ANAPC7: variants seen among roughly 807,000 people sequenced by gnomAD.
ANAPC7 encodes the protein anaphase promoting complex subunit 7, also known as anaphase-promoting complex subunit 7.
ANAPC7 carries 25 observed loss-of-function variants against 63.3 expected under a neutral mutation model. That is an observed-to-expected ratio of 0.39 (90% CI 0.29 to 0.55). The LOEUF (loss-of-function observed/expected upper bound fraction) is 0.55. Ranked by LOEUF, ANAPC7 falls within the 20% of genes least tolerant of loss-of-function variation. The pLI is 0.57. For missense variants in ANAPC7, 516 were observed against 691.7 expected, an observed-to-expected ratio of 0.75 and a Z score of 2.85; for synonymous variants, 241 against 251.7, an observed-to-expected ratio of 0.96 and a Z score of 0.40.
rs1239130587 is a variant in ANAPC7 at position 110,377,405 on chromosome 12, C to T, written c.1345G>A (p.Ala449Thr). ...PDYIKAVVKK[A>T]ELLSREQKYE... ...AAGACACACTTACTAAGTAGTTCTG[C>T]TTTTTTCACCACAGCCTTAATGTAA... Residue 449 changes from alanine (A) to threonine (T), a missense_variant, in exon 9 of 11, where the codon GCA (alanine) becomes ACA (threonine). This residue lies in a region of ANAPC7 where 122 missense variants were observed against 212.0 expected (regional missense o/e 0.58). Transcript: ENST00000455511. The T allele has an allele frequency of 6.2e-7, 1 of 1,613,526 alleles. No individual in the cohort carries two copies. The highest frequency in any genetic ancestry group is 8.5e-7 in the Non-Finnish European group (1 of 1,179,620).
intron 6 of ANAPC7, among the ~76,000 whole-genome samples, chr12:110,384,309 A>G (rs1245696319): frequency 6.6e-6 from 1 of 152,076 alleles, no homozygotes; most frequent in Non-Finnish European, 1.5e-5. Context: ...AGGCAGGAGG[A>G]TTGCTTGAGC....
chr12:110,396,214 G>A (rs1222258584), intron 2 of ANAPC7, 52 bp downstream of exon 2: 1 of 1,510,566 alleles, frequency 6.6e-7, no homozygotes, highest in Admixed American at 1.9e-5. Context: ...CTAAATTCTT[G>A]GAGTCTTTCT....
rs1327223404 is a variant in ANAPC7 at position 110,374,317 on chromosome 12, G to C, written c.1525C>G (p.Gln509Glu). 7.4e-6 allele frequency: 12 copies of C among 1,613,948 alleles called. No individual in the cohort carries two copies. Among genetic ancestry groups the C allele is most frequent in the Non-Finnish European group, 1.0e-5 (12 of 1,179,984 alleles). Residue 509 changes from glutamine (Q) to glutamate (E), a missense_variant, in exon 11 of 11, where the codon CAG becomes GAG. By Grantham distance (29) the Gln-to-Glu change is conservative (BLOSUM62 2). Transcript: ENST00000455511. Reference protein sequence around the residue: ...SIALSLDPNDQKSLEGMQKME... With the variant: ...SIALSLDPNDEKSLEGMQKME... ...TTCTGCATCCCCTCTAGAGACTTCT[G>C]GTCATTGGGGTCCAAACTAGGGGAC...
At chr12:110,383,875 C>CAAAAAAAAAAA (rs1159374781) in intron 6 of ANAPC7, among the ~76,000 whole-genome samples, 858 of 48,810 alleles carry the variant, frequency 0.018, no homozygotes, top group Non-Finnish European at 0.023. Flanking sequence ...GACTCCGTCT[C>CAAAAAAAAAAA]AAAAAAAAAA....
At chr12:110,387,303 G>GAGAGAGAGAGAGACAGAGAGAC (rs1882622946) in intron 5 of ANAPC7, 1 of 135,344 alleles carries the variant, frequency 7.4e-6, no homozygotes, top group African/African-American at 2.8e-5. Context: ...GAGAGAGAGA[G>GAGAGAGAGAGAGACAGAGAGAC]AGAGAGACAG....
chr12:110,375,372 A>G, intron 10 of ANAPC7: 1 of 957,644 alleles, frequency 1.0e-6, no homozygotes, highest in Non-Finnish European at 1.2e-6. Flanking sequence ...GTGGTGCTCA[A>G]CTGTGTGCTG....
At chr12:110,377,895 G>T in intron 8 of ANAPC7, 1 of 1,115,874 alleles carries the variant, frequency 9.0e-7, no homozygotes, top group Non-Finnish European at 1.2e-6. Flanking sequence ...CAGCATGTGA[G>T]CACCCCATCT....
chr12:110,395,086 A>G lies in ANAPC7; in HGVS notation c.408+15T>C, dbSNP rs1883456278. 1.2e-6 allele frequency: 2 copies of G among 1,610,992 alleles called. No individual in the cohort carries two copies. The highest frequency in any genetic ancestry group is 1.1e-5 in the South Asian group (1 of 90,714). Reference sequence around the variant, plus strand: ...AGGAGAGCTGAGGAGAAAAACACATAAACATTCAACTTACTTTGGGAGTTC... The same window carrying G: ...AGGAGAGCTGAGGAGAAAAACACATGAACATTCAACTTACTTTGGGAGTTC... On this transcript the variant is annotated intron_variant, in intron 3 of 10. Coordinates refer to ENST00000455511, the MANE Select transcript of ANAPC7 (RefSeq NM_016238.3).
Position 110,385,136 on chromosome 12 carries a change from G to A in ANAPC7, c.817+1191C>T, listed in dbSNP as rs1261278493. ...ACAAAAATTAGTTGGGTGTGGTGGC[G>A]GGCGCCTATAATCCCAGCTACTCGG... On this transcript the variant is annotated intron_variant, in intron 6 of 10. Coordinates refer to ENST00000455511, the MANE Select transcript of ANAPC7 (RefSeq NM_016238.3). Among the ~76,000 whole-genome samples, 5 of 151,914 alleles carry A rather than the reference G, an allele frequency of 3.3e-5. No homozygotes were observed. In the East Asian group the frequency reaches 5.8e-4, roughly 18 times the overall value.
At chr12:110,382,437 C>G (rs1566263786) in intron 7 of ANAPC7, among the ~76,000 whole-genome samples, 1 of 43,206 alleles carries the variant, frequency 2.3e-5, no homozygotes, top group East Asian at 5.3e-4. Context: ...GCTGATTATC[C>G]TTTTAAAAAA....
At chr12:110,374,481 A>G in intron 10 of ANAPC7, 148 bp from the exon 11 acceptor site, 1 of 661,204 alleles carries the variant, frequency 1.5e-6, no homozygotes, top group East Asian at 2.9e-5. Context: ...TCAGGCTTCC[A>G]AGGCTGGGTT....
chr12:110,387,243 G>A (rs199917341), intron 5 of ANAPC7: 1 of 125,898 alleles, frequency 7.9e-6, no homozygotes, highest in African/African-American at 3.2e-5. Flanking sequence ...GAGAGACAGA[G>A]AGACAGAGAG....
chr12:110,395,863 C>A (rs1445479427), intron 2 of ANAPC7, among the ~76,000 whole-genome samples: 1 of 152,162 alleles, frequency 6.6e-6, no homozygotes, highest in Non-Finnish European at 1.5e-5. Flanking sequence ...TACATCTAAT[C>A]AGCTATCATC....
In ANAPC7 at chr12:110,403,026, G is replaced by T. The variant is rs536909558; in HGVS notation, c.101+501C>A. On this transcript the variant is annotated intron_variant, in intron 1 of 10. Coordinates refer to ENST00000455511, the MANE Select transcript of ANAPC7 (RefSeq NM_016238.3). Reference sequence around the variant, plus strand: ...CAAAGGGCTCGTATTAGAGGCGTGAGCCACCGCGCCCGGCCCCGTTTTCAG... The same window carrying T: ...CAAAGGGCTCGTATTAGAGGCGTGATCCACCGCGCCCGGCCCCGTTTTCAG... Among the ~76,000 whole-genome samples, 5 of 152,296 alleles carry T rather than the reference G, an allele frequency of 3.3e-5. No individual in the cohort carries two copies. The South Asian group carries it at 1.0e-3, about 32-fold the overall frequency.
At chr12:110,399,551 T>C (rs2062194899) in intron 1 of ANAPC7, among the ~76,000 whole-genome samples, 1 of 152,028 alleles carries the variant, frequency 6.6e-6, no homozygotes, top group African/African-American at 2.4e-5. Context: ...CGGTTTCTTT[T>C]TGTTGGGATA....
Position 110,377,264 on chromosome 12 carries a change from G to A in ANAPC7, c.1357+129C>T, listed in dbSNP as rs1038639568. On this transcript the variant is annotated intron_variant, in intron 9 of 10. Transcript: ENST00000455511. Reference sequence around the variant, plus strand: ...GGCTAAATATAAACCAATCCAAGCAGGCTCAGACCTGCTGCAAAAGGCACA... The same window carrying A: ...GGCTAAATATAAACCAATCCAAGCAAGCTCAGACCTGCTGCAAAAGGCACA... The A allele has an allele frequency of 2.2e-5, 17 of 776,002 alleles. No individual in the cohort carries two copies. In the African/African-American group the frequency reaches 2.3e-4, roughly 10 times the overall value. 48.1% of individuals were successfully genotyped at this position (776,002 alleles called of 1,614,324 possible).
intron 9 of ANAPC7, among the ~76,000 whole-genome samples, chr12:110,377,092 G>A (rs1881357011): frequency 2.8e-5 from 4 of 145,372 alleles, no homozygotes; most frequent in South Asian, 4.3e-4. Context: ...AGCTGAGATC[G>A]CACCACTGCA....
intron 6 of ANAPC7, among the ~76,000 whole-genome samples, 186 bp downstream of exon 6, chr12:110,386,141 G>A (rs774058530): frequency 1.3e-5 from 2 of 152,078 alleles, no homozygotes; most frequent in Non-Finnish European, 2.9e-5. Context: ...AAAAACAGCT[G>A]CTCAAATGGT....
chr12:110,389,654 G>A (rs753699254), intron 3 of ANAPC7, among the ~76,000 whole-genome samples: 2 of 152,118 alleles, frequency 1.3e-5, no homozygotes, highest in African/African-American at 2.4e-5. Flanking sequence ...AGTTCTGGCC[G>A]GGCGCAGTGG....
Sources: gnomAD v4.1 joint callset for allele counts (sites outside exome capture counted in the v4.1 genomes callset) on GRCh38, gnomAD v4.1.1 for gene constraint, gnomAD v4.1.1 regional missense constraint, MANE v1.5 for transcripts, NCBI Gene and HGNC (gene_info 2026-07-23, HGNC 2026-07-21) for gene names.